PLCB1: variants seen among roughly 807,000 people sequenced by gnomAD.
The protein encoded by PLCB1 is phospholipase C beta 1, also known as 1-phosphatidylinositol 4,5-bisphosphate phosphodiesterase beta-1.
A neutral mutation model predicts 161.8 loss-of-function variants in PLCB1; 46 were observed. The ratio of observed to expected loss-of-function variants is 0.28; its 90% CI spans 0.22 to 0.36. PLCB1 has a LOEUF of 0.36. Among genes scored for constraint, PLCB1 ranks in the 10% least tolerant of loss-of-function variants. The pLI is 1.00. For missense variants in PLCB1, 1,016 were observed against 1,472.5 expected, an observed-to-expected ratio of 0.69 and a Z score of 5.07; for synonymous variants, 517 against 503.7, an observed-to-expected ratio of 1.03 and a Z score of -0.35.
intron 2 of PLCB1, among the ~76,000 whole-genome samples, chr20:8,183,657 C>G (rs2051870749): frequency 6.6e-6 from 1 of 152,146 alleles, no homozygotes; most frequent in Non-Finnish European, 1.5e-5. Context: ...TAAACCCAAA[C>G]AAGTTTTGAT....
chr20:8,776,916 G>A (rs1191258576), intron 27 of PLCB1, among the ~76,000 whole-genome samples: 1 of 152,140 alleles, frequency 6.6e-6, no homozygotes, highest in Non-Finnish European at 1.5e-5. Flanking sequence ...TGATGAGGAT[G>A]CTTGGCGATT....
At chr20:8,454,793 C>A (rs537661424) in intron 3 of PLCB1, among the ~76,000 whole-genome samples, 6 of 152,238 alleles carry the variant, frequency 3.9e-5, no homozygotes, top group Middle Eastern at 3.4e-3. Context: ...CCCTGTCATG[C>A]CTTTCTTTTC....
At chr20:8,397,790 T>G (rs1978358146) in intron 3 of PLCB1, among the ~76,000 whole-genome samples, 1 of 152,154 alleles carries the variant, frequency 6.6e-6, no homozygotes, top group Non-Finnish European at 1.5e-5. Flanking sequence ...GTCATGGGAA[T>G]CTTTTTCATT....
intron 31 of PLCB1, among the ~76,000 whole-genome samples, chr20:8,838,510 A>T (rs1305533973): frequency 3.3e-5 from 5 of 152,226 alleles, no homozygotes; most frequent in Admixed American, 1.3e-4. Context: ...TCCTAGTCTG[A>T]AATGTATACT....
At chr20:8,816,043 G>GT (rs1392088547) in intron 31 of PLCB1, among the ~76,000 whole-genome samples, 1 of 152,022 alleles carries the variant, frequency 6.6e-6, no homozygotes, top group Non-Finnish European at 1.5e-5. Context: ...GTAAAACAGT[G>GT]GCAAAGAATA....
chr20:8,340,339 A>AT (rs1327286262), intron 2 of PLCB1, among the ~76,000 whole-genome samples: 1 of 152,198 alleles, frequency 6.6e-6, no homozygotes, highest in Non-Finnish European at 1.5e-5. Context: ...TGAGGATTCG[A>AT]TTTTAAGGAT....
intron 2 of PLCB1, among the ~76,000 whole-genome samples, chr20:8,308,494 G>A (rs947350506): frequency 6.6e-6 from 1 of 151,892 alleles, no homozygotes; most frequent in African/African-American, 2.4e-5. Flanking sequence ...GCAGGTGCCT[G>A]TAATCCCAGC....
At chr20:8,232,139 C>A (rs77875952) in intron 2 of PLCB1, among the ~76,000 whole-genome samples, 1 of 151,892 alleles carries the variant, frequency 6.6e-6, no homozygotes, top group South Asian at 2.1e-4. Context: ...CCCAGGAGTT[C>A]AAGGCTGTAG....
At chr20:8,671,009 G>T (rs139400577) in intron 9 of PLCB1, among the ~76,000 whole-genome samples, 1 of 152,324 alleles carries the variant, frequency 6.6e-6, no homozygotes, top group African/African-American at 2.4e-5. Context: ...ATTGCATTAA[G>T]AGTGAAGATT....
chr20:8,659,861 G>A (rs779634689), intron 9 of PLCB1, among the ~76,000 whole-genome samples: 5 of 151,820 alleles, frequency 3.3e-5, no homozygotes, highest in South Asian at 2.1e-4. Flanking sequence ...GCATGATGGC[G>A]CATGCCTGTA....
At chr20:8,559,675 A>G (rs1253996323) in intron 3 of PLCB1, among the ~76,000 whole-genome samples, 1 of 152,024 alleles carries the variant, frequency 6.6e-6, no homozygotes, top group Non-Finnish European at 1.5e-5. Context: ...TACTAATATC[A>G]GTCAAAATAG....
chr20:8,837,430 G>C (rs923786087), intron 31 of PLCB1, among the ~76,000 whole-genome samples: 6 of 152,206 alleles, frequency 3.9e-5, no homozygotes, highest in African/African-American at 1.4e-4. Flanking sequence ...ACACAAATTA[G>C]ATCAAAATGA....
At chr20:8,769,414 A>G (rs1982552510) in intron 26 of PLCB1, among the ~76,000 whole-genome samples, 1 of 152,060 alleles carries the variant, frequency 6.6e-6, no homozygotes, top group Non-Finnish European at 1.5e-5. Context: ...TGTAGCATCA[A>G]AAGAAGTGAA....
intron 9 of PLCB1, among the ~76,000 whole-genome samples, chr20:8,663,438 C>T (rs926283032): frequency 1.4e-4 from 22 of 151,992 alleles, no homozygotes; most frequent in South Asian, 6.2e-4. Flanking sequence ...ATGCCAAAGC[C>T]GACCATAGTT....
intron 3 of PLCB1, among the ~76,000 whole-genome samples, chr20:8,413,851 G>T (rs1232551177): frequency 6.6e-6 from 1 of 152,144 alleles, no homozygotes; most frequent in Admixed American, 6.5e-5. Context: ...TGGATGCGTT[G>T]CCTACAGTAT....
chr20:8,663,485 T>G (rs945181899), intron 9 of PLCB1, among the ~76,000 whole-genome samples: 1 of 151,668 alleles, frequency 6.6e-6, no homozygotes, highest in Non-Finnish European at 1.5e-5. Context: ...AAGTATGAAA[T>G]GAAACTCCAG....
At position 8,159,383 on chromosome 20, in the gene PLCB1, C is replaced by A. The variant is rs573372952; in HGVS notation, c.177+9012C>A. ...CCCTAGGCTACACACAGCACAGGGACCCTTGTTCCAACCCACAAAACCATT... is the reference window on the plus strand; with the variant it reads ...CCCTAGGCTACACACAGCACAGGGAACCTTGTTCCAACCCACAAAACCATT... On this transcript the variant is annotated intron_variant, in intron 2 of 31. Coordinates refer to ENST00000338037, the MANE Select transcript of PLCB1 (RefSeq NM_015192.4). Among the ~76,000 whole-genome samples, 4 of 152,080 alleles carry A rather than the reference C, an allele frequency of 2.6e-5. 1 individual carries two copies. The South Asian group carries it at 6.2e-4, about 24-fold the overall frequency.
intron 31 of PLCB1, among the ~76,000 whole-genome samples, chr20:8,844,182 G>A (rs1011662058): frequency 6.6e-6 from 1 of 152,188 alleles, no homozygotes; most frequent in Non-Finnish European, 1.5e-5. Flanking sequence ...TCAGAATGTA[G>A]GAAAGGAGAA....
intron 2 of PLCB1, among the ~76,000 whole-genome samples, chr20:8,314,888 T>C (rs1509116): frequency 0.41 from 62,049 of 151,916 alleles, 14,766 homozygotes; most frequent in African/African-American, 0.65. Flanking sequence ...TGCCAGCTAC[T>C]GGCACTTTAT....
Sources: gnomAD v4.1 joint callset for allele counts (sites outside exome capture counted in the v4.1 genomes callset) on GRCh38, gnomAD v4.1.1 for gene constraint, MANE v1.5 for transcripts, NCBI Gene and HGNC (gene_info 2026-07-23, HGNC 2026-07-21) for gene names.